MARK4: variants seen among roughly 807,000 people sequenced by gnomAD.
MARK4 encodes MAP/microtubule affinity-regulating kinase 4.
Under a neutral mutation model 81.5 loss-of-function variants are expected in MARK4, and 19 were observed. The observed-to-expected ratio is 0.23, with a 90% confidence interval of 0.16 to 0.34. The LOEUF (loss-of-function observed/expected upper bound fraction) is 0.34, where lower values mean the gene tolerates loss of function less well. MARK4 is among the 10% of genes least tolerant of loss of function. The pLI is 1.00. For missense variants in MARK4, 772 were observed against 1,058.8 expected (o/e 0.73, Z 3.76); for synonymous variants, 436 against 439.0 (o/e 0.99, Z 0.08).
intron 2 of MARK4, 70 bp from the exon 3 acceptor site, chr19:45,263,042 AG>A: frequency 1.3e-6 from 2 of 1,535,162 alleles, no homozygotes; most frequent in Non-Finnish European, 1.8e-6. Context: ...CTGGGATTAC[AG>A]GCCTGAGCCA....
chr19:45,263,313 G>T lies in MARK4; in HGVS notation c.307-6G>T. The T allele has an allele frequency of 6.2e-7, 1 of 1,614,160 alleles. No individual in the cohort carries two copies. Among genetic ancestry groups the T allele is most frequent in the Middle Eastern group, 1.6e-4 (1 of 6,062 alleles). On this transcript the variant is annotated splice_polypyrimidine_tract_variant and splice_region_variant and intron_variant, in intron 3 of 16. Coordinates refer to ENST00000262891, the MANE Select transcript of MARK4 (RefSeq NM_001199867.2). ...CTCCTCTGTCTTCCTTTCTGGCCAC[G>T]CCCAGCTGTTCCGAGAAGTCCGCAT...
In MARK4 at chr19:45,263,478, A is replaced by G. The variant is rs1198961181; in HGVS notation, c.355+111A>G. The G allele has an allele frequency of 5.9e-6, 8 of 1,352,088 alleles. No individual in the cohort carries two copies. The East Asian group carries it at 1.9e-4, about 32-fold the overall frequency. The allele number at this position is 1,352,088 out of a possible 1,614,324, so 83.8% of individuals were successfully genotyped here. A position where few individuals can be genotyped will look rare whatever the true frequency, so the allele number is the denominator to read the frequency against. On this transcript the variant is annotated intron_variant, in intron 4 of 16. Transcript: ENST00000262891. Reference sequence around the variant, plus strand: ...GGAGACCCACCAGGCGCAGTGGCTCACTCCTGTAATCCCAGCACTTAGGGA... The same window carrying G: ...GGAGACCCACCAGGCGCAGTGGCTCGCTCCTGTAATCCCAGCACTTAGGGA...
intron 12 of MARK4, among the ~76,000 whole-genome samples, chr19:45,281,378 T>TTTTTTTTA (rs1970672512): frequency 6.7e-6 from 1 of 150,016 alleles, no homozygotes; most frequent in African/African-American, 2.5e-5. Flanking sequence ...TTTTTTTTTT[T>TTTTTTTTA]GAGACAGAGT....
chr19:45,280,919 C>G (rs1970665763), intron 12 of MARK4, among the ~76,000 whole-genome samples, 185 bp downstream of exon 12: 1 of 152,106 alleles, frequency 6.6e-6, no homozygotes, highest in Admixed American at 6.6e-5. Context: ...CACAGCCAGG[C>G]TCAGGAAGGG....
intron 3 of MARK4, 36 bp downstream of exon 3, chr19:45,263,202 G>C: frequency 6.2e-7 from 1 of 1,612,602 alleles, no homozygotes; most frequent in South Asian, 1.1e-5. Context: ...CAGGAGCCAG[G>C]CTTCCGGCAC....
chr19:45,294,457 G>A lies in MARK4; in HGVS notation c.1598+5G>A, dbSNP rs577002475. The A allele has an allele frequency of 8.7e-6, 14 of 1,613,248 alleles. No individual in the cohort carries two copies. The highest frequency in any genetic ancestry group is 8.3e-5 in the Admixed American group (5 of 59,994). Reference sequence around the variant, plus strand: ...GCCAAATGGGAAAGAAAACAGGTACGGAGGGGGCAGCAACAGGGTGAGGGG... The same window carrying A: ...GCCAAATGGGAAAGAAAACAGGTACAGAGGGGGCAGCAACAGGGTGAGGGG... On this transcript the variant is annotated splice_donor_5th_base_variant and intron_variant, in intron 14 of 16. Transcript: ENST00000262891.
intron 8 of MARK4, 114 bp from the exon 9 acceptor site, chr19:45,277,809 G>T: frequency 1.6e-6 from 2 of 1,267,280 alleles, no homozygotes; most frequent in Non-Finnish European, 2.1e-6. Context: ...CTATCAAAGG[G>T]GTTGGGACAA....
intron 10 of MARK4, 66 bp downstream of exon 10, chr19:45,278,681 G>A: frequency 8.5e-7 from 1 of 1,171,582 alleles, no homozygotes; most frequent in Admixed American, 1.8e-5. Context: ...TCGGCTCACT[G>A]CAACCTCCGC....
intron 2 of MARK4, among the ~76,000 whole-genome samples, chr19:45,259,689 C>T (rs77281017): frequency 0.022 from 3,375 of 151,922 alleles, 56 homozygotes; most frequent in Non-Finnish European, 0.034. Context: ...GCGGGAGGAT[C>T]GCTTGAGCTC....
chr19:45,265,522 A>G (rs1370253845), intron 6 of MARK4, among the ~76,000 whole-genome samples: 1 of 150,902 alleles, frequency 6.6e-6, no homozygotes, highest in Non-Finnish European at 1.5e-5. Context: ...GTGGAGTAAG[A>G]GGACGTGCAG....
intron 6 of MARK4, among the ~76,000 whole-genome samples, chr19:45,265,613 G>A (rs1970442559): frequency 6.6e-6 from 1 of 151,306 alleles, no homozygotes; most frequent in South Asian, 2.1e-4. Flanking sequence ...ATATGTGCAG[G>A]TGTGAGGGTG....
At chr19:45,287,763 A>G in intron 13 of MARK4, 99 bp downstream of exon 13, 1 of 1,323,696 alleles carries the variant, frequency 7.6e-7, no homozygotes, top group Admixed American at 2.0e-5. Flanking sequence ...ACTCCTTCTT[A>G]CCAACTCCTT....
chr19:45,302,425 C>T lies in MARK4; in HGVS notation c.1974C>T (p.Phe658=), dbSNP rs987880072. The change falls in exon 17 of 17, where the codon TTC becomes TTT. Residue 658 remains phenylalanine (F), a synonymous_variant. Transcript: ENST00000262891. The surrounding 1 kb of genome is among the most constrained non-coding windows in gnomAD (Gnocchi z 4.9). The part of the protein sequence containing the change: ...QTETAPRLLR[F]PWSVKLTSSR... ...AAACCGCCCCCCGGCTGCTCCGATTCCCCTGGAGTGTGAAGCTGACCAGCT... is the reference window on the plus strand; with the variant it reads ...AAACCGCCCCCCGGCTGCTCCGATTTCCCTGGAGTGTGAAGCTGACCAGCT... 4.3e-6 allele frequency: 7 copies of T among 1,613,974 alleles called. No individual in the cohort carries two copies. Among genetic ancestry groups the T allele is most frequent in the South Asian group, 2.2e-5 (2 of 91,092 alleles).
At chr19:45,269,677 C>T (rs951824831) in intron 7 of MARK4, among the ~76,000 whole-genome samples, 4 of 152,200 alleles carry the variant, frequency 2.6e-5, no homozygotes, top group South Asian at 2.1e-4. Context: ...TCTTCCTCCG[C>T]GCACTGTGGA....
At chr19:45,295,775 T>C (rs1265288056) in intron 14 of MARK4, among the ~76,000 whole-genome samples, 1 of 150,756 alleles carries the variant, frequency 6.6e-6, no homozygotes, top group Non-Finnish European at 1.5e-5. Flanking sequence ...CAAGAATCCG[T>C]CTCATAAAAA....
intron 8 of MARK4, among the ~76,000 whole-genome samples, chr19:45,272,520 G>T (rs191971046): frequency 6.6e-6 from 1 of 151,874 alleles, no homozygotes; most frequent in South Asian, 2.1e-4. Flanking sequence ...CCTGAGGCTG[G>T]GGGGGAGGAG....
intron 13 of MARK4, 122 bp from the exon 14 acceptor site, chr19:45,294,227 C>T: frequency 2.3e-6 from 2 of 851,910 alleles, no homozygotes; most frequent in Admixed American, 2.2e-5. Context: ...CTCCTACTCA[C>T]CCTGGGTTCC....
chr19:45,265,605 ATG>A (rs1365625515), intron 6 of MARK4, among the ~76,000 whole-genome samples: 1 of 148,254 alleles, frequency 6.7e-6, no homozygotes, highest in African/African-American at 2.5e-5. Flanking sequence ...GGGTAAGAAT[ATG>A]TGCAGGTGTG....
chr19:45,289,514 T>TAATC (rs1302068201), intron 13 of MARK4, among the ~76,000 whole-genome samples: 1 of 151,698 alleles, frequency 6.6e-6, no homozygotes, highest in African/African-American at 2.4e-5. Flanking sequence ...CTCATGCCTA[T>TAATC]AATCTCAGCA....
Sources: allele counts gnomAD v4.1 joint callset (sites outside exome capture counted in the v4.1 genomes callset), GRCh38; gene constraint gnomAD v4.1.1; non-coding constraint Gnocchi (gnomAD v3.1); transcripts MANE v1.5; gene names NCBI Gene and HGNC (gene_info 2026-07-23, HGNC 2026-07-21).